The following SLC26A4 variants were observed in gnomAD, a reference collection of about 807,000 sequenced individuals.
The protein encoded by SLC26A4 is pendrin.
In SLC26A4, 93 loss-of-function variants were observed where a neutral mutation model predicts 90.4. The observed-to-expected ratio is 1.03, with a 90% CI of 0.87 to 1.22. The LOEUF (loss-of-function observed/expected upper bound fraction) is 1.22, where lower values mean the gene tolerates loss of function less well. SLC26A4 is among the 50% of genes most tolerant of loss of function. The probability of loss-of-function intolerance (pLI) is 0.00; values close to 1 mark genes in which losing one functional copy is unlikely to be tolerated. For missense variants in SLC26A4, 1,127 were observed against 946.2 expected, an observed-to-expected ratio of 1.19 and a Z score of -2.51; for synonymous variants, 393 against 354.6, an observed-to-expected ratio of 1.11 and a Z score of -1.22.
Position 107,715,469 on chromosome 7 carries a change from T to C in SLC26A4, c.*23T>C, listed in dbSNP as rs775817887. On this transcript the variant is annotated 3_prime_UTR_variant, in exon 21 of 21. Transcript: ENST00000644269. ...TGAAAGTGGGTTCGGGAGGTCTCTA[T>C]GAGCAAGGAATACAAGACAAAACTT... is the stretch of plus-strand genomic sequence containing the variant. 6.9e-6 allele frequency: 11 copies of C among 1,600,232 alleles called. No homozygotes were observed. The highest frequency in any genetic ancestry group is 2.2e-5 in the East Asian group (1 of 44,836).
chr7:107,693,991 A>G (rs1791656979), intron 10 of SLC26A4, among the ~76,000 whole-genome samples: 1 of 152,196 alleles, frequency 6.6e-6, no homozygotes, highest in Admixed American at 6.5e-5. Flanking sequence ...GCTATGTGCC[A>G]TGAGAATTTA....
In SLC26A4 at chr7:107,694,521, C is replaced by T. The variant is rs751113285; in HGVS notation, c.1341+41C>T. 5 of 1,547,332 alleles carry T rather than the reference C, an allele frequency of 3.2e-6. No individual in the cohort carries two copies. In the Admixed American group the frequency reaches 6.7e-5, roughly 21 times the overall value. ...TCTGCATACCGATTGCATAATTTCC[C>T]TTCACTACTCTGCTACCAGATAAAT... On this transcript the variant is annotated intron_variant, in intron 11 of 20. Coordinates refer to ENST00000644269, the MANE Select transcript of SLC26A4 (RefSeq NM_000441.2).
intron 19 of SLC26A4, among the ~76,000 whole-genome samples, chr7:107,711,995 A>T (rs1584346318): frequency 6.6e-6 from 1 of 152,244 alleles, no homozygotes; most frequent in Admixed American, 6.5e-5. Context: ...CACAAAGCCA[A>T]AATTGTCGTT....
chr7:107,688,428 A>T (rs1210994141), intron 8 of SLC26A4, among the ~76,000 whole-genome samples: 2 of 152,132 alleles, frequency 1.3e-5, no homozygotes, highest in African/African-American at 4.8e-5. Context: ...TAATTTTTTT[A>T]TATGGTTTGT....
At position 107,672,210 on chromosome 7, in the gene SLC26A4, C is replaced by A. The variant is rs1243047650; in HGVS notation, c.377C>A (p.Thr126Lys). The change falls in exon 4 of 21, where the codon ACA (threonine) becomes AAA (lysine). Residue 126 changes from threonine (T) to lysine (K), a missense_variant. Physicochemically the swap from Thr to Lys is moderately conservative, Grantham distance 78 (BLOSUM62 -1). Coordinates refer to ENST00000644269, the MANE Select transcript of SLC26A4 (RefSeq NM_000441.2). ...TACTCTGCTTTTTTCCCTATCCTGA[C>A]ATACTTTATCTTTGGAACATCAAGA... ...GLYSAFFPILTYFIFGTSRHI... is the reference protein window; with the variant it reads ...GLYSAFFPILKYFIFGTSRHI... 1 of 1,610,126 alleles carries A rather than the reference C, an allele frequency of 6.2e-7. No individual in the cohort carries two copies. Among genetic ancestry groups the A allele is most frequent in the Non-Finnish European group, 8.5e-7 (1 of 1,176,526 alleles).
intron 10 of SLC26A4, chr7:107,693,776 A>C: frequency 1.1e-6 from 1 of 941,384 alleles, no homozygotes; most frequent in Non-Finnish European, 1.3e-6. Context: ...GCCTTGGGGC[A>C]AAGCTCTGAG....
chr7:107,682,737 T>TTG (rs1791277012), intron 6 of SLC26A4, among the ~76,000 whole-genome samples: 1 of 152,102 alleles, frequency 6.6e-6, no homozygotes, highest in East Asian at 1.9e-4. Context: ...GTTTCAGGTT[T>TTG]ATCAGCCTTT....
intron 3 of SLC26A4, among the ~76,000 whole-genome samples, chr7:107,671,044 A>G (rs755553519): frequency 2.6e-5 from 4 of 152,206 alleles, no homozygotes; most frequent in Admixed American, 6.5e-5. Flanking sequence ...CCCACCAAAA[A>G]AGGAGAAAGG....
At position 107,716,485 on chromosome 7, in the gene SLC26A4, T is replaced by G. The variant is rs974064806; in HGVS notation, c.*1039T>G. 1.3e-5 allele frequency: 2 copies of G among 152,368 alleles called. No individual in the cohort carries two copies. Among genetic ancestry groups the G allele is most frequent in the Middle Eastern group, 3.4e-3 (1 of 294 alleles). 9.4% of individuals were successfully genotyped at this position (152,368 alleles called of 1,614,324 possible). A position where few individuals can be genotyped will look rare whatever the true frequency, so the allele number is the denominator to read the frequency against. ...GTAGTCTGTGTTTAAAGTGAATTTTTAAAGACAAAGCATTCTAAATGAACT... is the reference window on the plus strand; with the variant it reads ...GTAGTCTGTGTTTAAAGTGAATTTTGAAAGACAAAGCATTCTAAATGAACT... On this transcript the variant is annotated 3_prime_UTR_variant, in exon 21 of 21. Coordinates refer to ENST00000644269, the MANE Select transcript of SLC26A4 (RefSeq NM_000441.2).
chr7:107,677,149 C>A (rs1018919016), intron 6 of SLC26A4, among the ~76,000 whole-genome samples: 2 of 152,150 alleles, frequency 1.3e-5, no homozygotes, highest in South Asian at 4.1e-4. Context: ...TGCCTTCCAG[C>A]CTGGGTGATG....
chr7:107,669,979 GT>G (rs1175687453), intron 3 of SLC26A4, among the ~76,000 whole-genome samples: 18 of 152,232 alleles, frequency 1.2e-4, no homozygotes, highest in African/African-American at 4.1e-4. Context: ...TATACTGAGA[GT>G]TTCCGCTGCA....
At chr7:107,710,259 G>A in intron 19 of SLC26A4, 60 bp downstream of exon 19, 6 of 1,238,580 alleles carry the variant, frequency 4.8e-6, no homozygotes, top group Non-Finnish European at 7.1e-6. Context: ...TTCTATAAAT[G>A]GCAAACATTA....
chr7:107,715,658 C>A lies in SLC26A4; in HGVS notation c.*212C>A, dbSNP rs1188670627. 3 of 596,772 alleles carry A rather than the reference C, an allele frequency of 5.0e-6. No individual in the cohort carries two copies. In the East Asian group the frequency reaches 8.5e-5, roughly 17 times the overall value. The allele number at this position is 596,772 out of a possible 1,614,324, so 37.0% of individuals were successfully genotyped here. A position where few individuals can be genotyped will look rare whatever the true frequency, so the allele number is the denominator to read the frequency against. ...TAGAATTATTCAGACGATTTGGCAG[C>A]GTCCAGGGTAAGCTGGTGTTATAAT... On this transcript the variant is annotated 3_prime_UTR_variant, in exon 21 of 21. Coordinates refer to ENST00000644269, the MANE Select transcript of SLC26A4 (RefSeq NM_000441.2).
chr7:107,675,462 G>A (rs147204481), intron 6 of SLC26A4, among the ~76,000 whole-genome samples: 2,272 of 151,440 alleles, frequency 0.015, 46 homozygotes, highest in African/African-American at 0.05. Context: ...AGCTGTGATC[G>A]CCCCACTGCA....
chr7:107,702,935 A>G (rs1791937889), intron 17 of SLC26A4, among the ~76,000 whole-genome samples: 1 of 152,328 alleles, frequency 6.6e-6, no homozygotes, highest in East Asian at 1.9e-4. Context: ...CAGGTCAGAC[A>G]TCTGGAAGGT....
rs1189973957 is a variant in SLC26A4 at position 107,689,083 on chromosome 7, C to G, written c.1032C>G (p.Ser344Arg). ...GFLPPELPPV[S>R]LFSEMLAASF... is the part of the protein sequence containing the mutation. The stretch of plus-strand genomic sequence containing the variant: ...TGCCTCCTGAACTTCCACCTGTGAG[C>G]TTGTTCTCGGAGATGCTGGCTGCAT... The change falls in exon 9 of 21, where the codon AGC becomes AGG. Residue 344 changes from serine (S) to arginine (R), a missense_variant. Transcript: ENST00000644269. 6.2e-7 allele frequency: 1 copy of G among 1,613,938 alleles called. No homozygotes were observed. The highest frequency in any genetic ancestry group is 8.5e-7 in the Non-Finnish European group (1 of 1,179,858).
Position 107,661,452 on chromosome 7 carries a change from C to T in SLC26A4, c.-3-187C>T. ...AGGTTCTCAGGTGCCCCCCTGCAGGCTGGCCGTGCGCGCCGTGGGGCGCTT... is the reference window on the plus strand; with the variant it reads ...AGGTTCTCAGGTGCCCCCCTGCAGGTTGGCCGTGCGCGCCGTGGGGCGCTT... On this transcript the variant is annotated intron_variant, in intron 1 of 20. Transcript: ENST00000644269. This position sits in a 1 kb window ranked among gnomAD's most constrained non-coding sequence, Gnocchi z 5.1. The T allele has an allele frequency of 1.5e-6, 1 of 667,580 alleles. No homozygotes were observed. The highest frequency in any genetic ancestry group is 1.8e-5 in the South Asian group (1 of 55,224). The allele number at this position is 667,580 out of a possible 1,614,324, so 41.4% of individuals were successfully genotyped here.
chr7:107,713,162 A>G (rs1160458904), intron 20 of SLC26A4, among the ~76,000 whole-genome samples: 1 of 152,216 alleles, frequency 6.6e-6, no homozygotes, highest in Non-Finnish European at 1.5e-5. Context: ...CAGCTTCGCC[A>G]CTGGATAAGA....
chr7:107,694,437 T>C lies in SLC26A4; in HGVS notation c.1298T>C (p.Ile433Thr), dbSNP rs1313823511. 1 of 1,613,658 alleles carries C rather than the reference T, an allele frequency of 6.2e-7. No homozygotes were observed. Among genetic ancestry groups the C allele is most frequent in the Non-Finnish European group, 8.5e-7 (1 of 1,179,754 alleles). ...AGIISAAIVM[I>T]AILALGKLLE... The stretch of plus-strand genomic sequence containing the variant: ...ATCATCTCTGCTGCGATTGTGATGA[T>C]CGCCATTCTTGCCCTGGGGAAGCTT... Residue 433 changes from isoleucine (I) to threonine (T), a missense_variant, in exon 11 of 21, where the codon ATC becomes ACC. By Grantham distance (89) the Ile-to-Thr change is moderately conservative (BLOSUM62 -1). Transcript: ENST00000644269.
Sources: gnomAD v4.1 joint callset for allele counts (sites outside exome capture counted in the v4.1 genomes callset) on GRCh38, gnomAD v4.1.1 for gene constraint, Gnocchi (gnomAD v3.1) non-coding constraint, MANE v1.5 for transcripts, NCBI Gene and HGNC (gene_info 2026-07-23, HGNC 2026-07-21) for gene names.